Variants in ZNF724 observed in about 807,000 individuals in gnomAD.
ZNF724 encodes zinc finger protein 724 pseudogene.
Under a neutral mutation model 29.3 loss-of-function variants are expected in ZNF724, and 14 were observed. That is an observed-to-expected ratio of 0.48 (90% CI 0.32 to 0.75). The LOEUF is 0.75. Among genes scored for constraint, ZNF724 ranks in the 30% least tolerant of loss-of-function variants. The probability of loss-of-function intolerance (pLI) is 0.04; values close to 1 mark genes in which losing one functional copy is unlikely to be tolerated. For synonymous variants in ZNF724, 180 were observed against 193.6 expected (o/e 0.93, Z 0.58); for missense variants, 557 against 571.2 (o/e 0.98, Z 0.25).
At chr19:23,244,135 A>G (rs566270273) in intron 1 of ZNF724, among the ~76,000 whole-genome samples, 1 of 150,756 alleles carries the variant, frequency 6.6e-6, no homozygotes, top group Non-Finnish European at 1.5e-5. Flanking sequence ...GTAAACTGAA[A>G]GATTGGTTTG....
At chr19:23,247,813 T>G (rs1972268786) in intron 1 of ZNF724, among the ~76,000 whole-genome samples, 3 of 152,230 alleles carry the variant, frequency 2.0e-5, no homozygotes, top group Admixed American at 2.0e-4. Flanking sequence ...AAAACAATCT[T>G]AATGTCTCAA....
intron 3 of ZNF724, among the ~76,000 whole-genome samples, chr19:23,224,721 C>CA (rs72540865): frequency 2.5e-5 from 1 of 40,220 alleles, no homozygotes; most frequent in African/African-American, 7.8e-5. Context: ...TTTGGCGTGC[C>CA]GGGTGGGCCG....
intron 1 of ZNF724, among the ~76,000 whole-genome samples, chr19:23,247,358 ATT>A (rs1972258032): frequency 6.6e-6 from 1 of 152,206 alleles, no homozygotes; most frequent in African/African-American, 2.4e-5. Context: ...TTTTGTAAAT[ATT>A]TTCTCACCTT....
chr19:23,237,567 A>G (rs1005353006), intron 1 of ZNF724, among the ~76,000 whole-genome samples: 16 of 152,228 alleles, frequency 1.1e-4, no homozygotes, highest in South Asian at 2.1e-4. Context: ...ACATTCATCC[A>G]AAATAAATAT....
chr19:23,227,869 G>A (rs1353979786), intron 3 of ZNF724, among the ~76,000 whole-genome samples: 1 of 152,054 alleles, frequency 6.6e-6, no homozygotes, highest in Non-Finnish European at 1.5e-5. Context: ...TGACATATGT[G>A]TCAATCTAAA....
intron 1 of ZNF724, among the ~76,000 whole-genome samples, chr19:23,243,675 C>T (rs983819704): frequency 2.0e-5 from 3 of 151,414 alleles, no homozygotes; most frequent in Non-Finnish European, 2.9e-5. Context: ...GTAATACCAG[C>T]ACTTTTGGAG....
intron 3 of ZNF724, among the ~76,000 whole-genome samples, chr19:23,227,654 A>G (rs994396515): frequency 2.0e-5 from 3 of 152,006 alleles, no homozygotes; most frequent in African/African-American, 7.2e-5. Context: ...CCTCTGATAT[A>G]TAAAACAAAT....
intron 1 of ZNF724, among the ~76,000 whole-genome samples, chr19:23,243,003 C>T (rs1397739176): frequency 7.2e-6 from 1 of 139,122 alleles, no homozygotes. Flanking sequence ...CGTGCCATTG[C>T]ACTCCAGCCT....
chr19:23,227,935 G>A (rs1404163600), intron 3 of ZNF724, among the ~76,000 whole-genome samples: 1 of 152,080 alleles, frequency 6.6e-6, no homozygotes, highest in Non-Finnish European at 1.5e-5. Flanking sequence ...ACATTAGTTT[G>A]ACGGAAAAAT....
chr19:23,228,049 A>G (rs1038024084), intron 3 of ZNF724, among the ~76,000 whole-genome samples: 3 of 152,172 alleles, frequency 2.0e-5, no homozygotes, highest in Non-Finnish European at 4.4e-5. Flanking sequence ...CACACCTGTA[A>G]TGACAGCTAT....
Position 23,223,643 on chromosome 19 carries a change from T to TCA in ZNF724, c.600_601dup (p.Glu201ValfsTer34), listed in dbSNP as rs944324900. 4 of 714,630 alleles carry TCA rather than the reference T, an allele frequency of 5.6e-6. No individual in the cohort carries two copies. The African/African-American group carries it at 7.0e-5, about 12-fold the overall frequency. 44.3% of individuals were successfully genotyped at this position (714,630 alleles called of 1,614,324 possible). On this transcript the variant is annotated frameshift_variant, in exon 4 of 4. Coordinates refer to ENST00000418100, the MANE Select transcript of ZNF724 (RefSeq NM_001355404.2). LOFTEE classifies it low-confidence loss of function (END_TRUNC). Reference sequence around the variant, plus strand: ...CACATTAAAGGCCTTGCCACATTCTTCAAGTTTGTAGGAATTGACAGTAGT... The same window carrying TCA: ...CACATTAAAGGCCTTGCCACATTCTTCACAAGTTTGTAGGAATTGACAGTAGT...
chr19:23,222,257 G>A lies in ZNF724; in HGVS notation c.*128C>T, dbSNP rs1028520740. ...ACTGTTATATCTTTCAGGTTTGTACGGTTTCTCTCCAGTAATTCTCTTCGT... is the reference window on the plus strand; with the variant it reads ...ACTGTTATATCTTTCAGGTTTGTACAGTTTCTCTCCAGTAATTCTCTTCGT... On this transcript the variant is annotated 3_prime_UTR_variant, in exon 4 of 4. Coordinates refer to ENST00000418100, the MANE Select transcript of ZNF724 (RefSeq NM_001355404.2). 2.5e-5 allele frequency: 15 copies of A among 608,272 alleles called. No individual in the cohort carries two copies. The highest frequency in any genetic ancestry group is 8.3e-5 in the South Asian group (4 of 48,484). 37.7% of individuals were successfully genotyped at this position (608,272 alleles called of 1,614,324 possible).
At chr19:23,243,720 C>T (rs1004788174) in intron 1 of ZNF724, among the ~76,000 whole-genome samples, 2 of 151,300 alleles carry the variant, frequency 1.3e-5, no homozygotes, top group African/African-American at 2.4e-5. Flanking sequence ...GTCAGGAGTT[C>T]GAGACCAGCC....
intron 1 of ZNF724, among the ~76,000 whole-genome samples, chr19:23,233,673 T>C (rs996385939): frequency 6.6e-6 from 1 of 151,964 alleles, no homozygotes; most frequent in Non-Finnish European, 1.5e-5. Flanking sequence ...TTTTAAAAAG[T>C]AGTTAAAACA....
intron 3 of ZNF724, among the ~76,000 whole-genome samples, chr19:23,225,780 G>C (rs1971816305): frequency 6.6e-6 from 1 of 152,064 alleles, no homozygotes; most frequent in African/African-American, 2.4e-5. Context: ...TGTTTGTCAA[G>C]GGCTGAGGAG....
In ZNF724 at chr19:23,243,488, A is replaced by T. The variant is rs1162174949; in HGVS notation, c.3+6752T>A. ...GAGAGTCCATCTCAAAAAAAAAAAA[A>T]AAAAAAAAAAAAAGGTAAACTGATG... On this transcript the variant is annotated intron_variant, in intron 1 of 3. Coordinates refer to ENST00000418100, the MANE Select transcript of ZNF724 (RefSeq NM_001355404.2). Among the ~76,000 whole-genome samples, 3 of 150,322 alleles carry T rather than the reference A, an allele frequency of 2.0e-5. No individual in the cohort carries two copies. In the East Asian group the frequency reaches 5.8e-4, roughly 29 times the overall value.
chr19:23,226,902 C>T (rs935380894), intron 3 of ZNF724, among the ~76,000 whole-genome samples: 2 of 151,648 alleles, frequency 1.3e-5, no homozygotes, highest in African/African-American at 4.8e-5. Context: ...GTAAGTAAAA[C>T]CAAAAACACA....
At chr19:23,244,394 T>C (rs1335955652) in intron 1 of ZNF724, among the ~76,000 whole-genome samples, 1 of 152,148 alleles carries the variant, frequency 6.6e-6, no homozygotes. Context: ...CTAGTGGGCA[T>C]GATTGTGAGT....
intron 3 of ZNF724, among the ~76,000 whole-genome samples, chr19:23,225,749 CAT>C (rs1291065047): frequency 6.6e-6 from 1 of 152,066 alleles, no homozygotes; most frequent in Non-Finnish European, 1.5e-5. Flanking sequence ...GAGTCACACT[CAT>C]AAAAACAAAG....
Sources: gnomAD v4.1 joint callset for allele counts (sites outside exome capture counted in the v4.1 genomes callset) on GRCh38, gnomAD v4.1.1 for gene constraint, MANE v1.5 for transcripts, NCBI Gene and HGNC (gene_info 2026-07-23, HGNC 2026-07-21) for gene names.